Variants in KCNQ1 observed in about 807,000 individuals in gnomAD.
The protein encoded by KCNQ1 is potassium voltage-gated channel subfamily KQT member 1.
KCNQ1 carries 49 observed loss-of-function variants against 72.4 expected under a neutral mutation model. That is an observed-to-expected ratio of 0.68 (90% CI 0.54 to 0.86). KCNQ1 has a LOEUF of 0.86. KCNQ1 is among the 40% of genes least tolerant of loss of function. The pLI, the probability that KCNQ1 is intolerant of heterozygous loss-of-function variation, is 0.00. For missense variants in KCNQ1, 790 were observed against 945.1 expected (o/e 0.84, Z 2.15); for synonymous variants, 450 against 412.6 (o/e 1.09, Z -1.10).
In KCNQ1 at chr11:2,624,083, T is replaced by C. The variant is rs1849222820; in HGVS notation, c.1393+35229T>C. The stretch of plus-strand genomic sequence containing the variant: ...CCCACATATTGGCAAGTATTTGGTA[T>C]TGTCAGTGTTTTGAATTTTGGCCAT... On this transcript the variant is annotated intron_variant, in intron 10 of 15. Coordinates refer to ENST00000155840, the MANE Select transcript of KCNQ1 (RefSeq NM_000218.3). The surrounding 1 kb of genome is among the most constrained non-coding windows in gnomAD (Gnocchi z 4.9). 1 of 398,572 alleles carries C rather than the reference T, an allele frequency of 2.5e-6. No homozygotes were observed. The highest frequency in any genetic ancestry group is 4.4e-5 in the Admixed American group (1 of 22,710). The allele number at this position is 398,572 out of a possible 1,614,324, so 24.7% of individuals were successfully genotyped here.
In KCNQ1 at chr11:2,473,752, C is replaced by T. The variant is rs899882911; in HGVS notation, c.386+28268C>T. Among the ~76,000 whole-genome samples the T allele has an allele frequency of 1.3e-5, 2 of 152,216 alleles. No homozygotes were observed. Among genetic ancestry groups the T allele is most frequent in the East Asian group, 1.9e-4 (1 of 5,186 alleles). ...AGATGGCAGCCTGCAGGTTGAAGCC[C>T]CCGACAGCTGGGGGAGGCATTGCTC... On this transcript the variant is annotated intron_variant, in intron 1 of 15. Coordinates refer to ENST00000155840, the MANE Select transcript of KCNQ1 (RefSeq NM_000218.3). The surrounding 1 kb of genome is among the most constrained non-coding windows in gnomAD (Gnocchi z 6.0).
intron 15 of KCNQ1, among the ~76,000 whole-genome samples, chr11:2,834,239 G>A (rs1296286382): frequency 6.6e-6 from 1 of 152,150 alleles, no homozygotes; most frequent in South Asian, 2.1e-4. Flanking sequence ...GGCAAGGTGC[G>A]TGACATGGTG....
In KCNQ1 at chr11:2,668,759, C is replaced by T. The variant is rs919147433; in HGVS notation, c.1514+6678C>T. 5.0e-6 allele frequency: 2 copies of T among 398,492 alleles called. No individual in the cohort carries two copies. The highest frequency in any genetic ancestry group is 4.1e-5 in the African/African-American group (2 of 48,602). The allele number at this position is 398,492 out of a possible 1,614,324, so 24.7% of individuals were successfully genotyped here. ...CTCCCCCTCTGCAGGCTGCCTTCTTCCTCTCTTGATGGTGTCTTTTGATGA... is the reference window on the plus strand; with the variant it reads ...CTCCCCCTCTGCAGGCTGCCTTCTTTCTCTCTTGATGGTGTCTTTTGATGA... On this transcript the variant is annotated intron_variant, in intron 11 of 15. Coordinates refer to ENST00000155840, the MANE Select transcript of KCNQ1 (RefSeq NM_000218.3). The surrounding 1 kb of genome is among the most constrained non-coding windows in gnomAD (Gnocchi z 4.3).
chr11:2,669,939 A>G lies in KCNQ1; in HGVS notation c.1514+7858A>G, dbSNP rs759180045. The G allele has an allele frequency of 1.5e-5, 6 of 398,542 alleles. No homozygotes were observed. Among genetic ancestry groups the G allele is most frequent in the Non-Finnish European group, 2.7e-5 (6 of 226,130 alleles). 24.7% of individuals were successfully genotyped at this position (398,542 alleles called of 1,614,324 possible). Reference sequence around the variant, plus strand: ...CCAAGCTCCAGGACAGTCTGGAGTCAGGTGGAGGGAAGGGAAGTCTAGAGG... The same window carrying G: ...CCAAGCTCCAGGACAGTCTGGAGTCGGGTGGAGGGAAGGGAAGTCTAGAGG... On this transcript the variant is annotated intron_variant, in intron 11 of 15. Coordinates refer to ENST00000155840, the MANE Select transcript of KCNQ1 (RefSeq NM_000218.3). The surrounding 1 kb of genome is among the most constrained non-coding windows in gnomAD (Gnocchi z 5.6).
In KCNQ1 at chr11:2,768,641, T is replaced by C. The variant is rs529859320; in HGVS notation, c.1515-203T>C. On this transcript the variant is annotated intron_variant, in intron 11 of 15. Transcript: ENST00000155840. This position sits in a 1 kb window ranked among gnomAD's most constrained non-coding sequence, Gnocchi z 6.7. ...CCACTCACAGATGAGGTGAAACATT[T>C]CACCTTGAAAAGCCTCTTGCCCCCA... Among the ~76,000 whole-genome samples, 13 of 152,232 alleles carry C rather than the reference T, an allele frequency of 8.5e-5. No homozygotes were observed. The highest frequency in any genetic ancestry group is 1.6e-4 in the Non-Finnish European group (11 of 68,010).
chr11:2,843,926 G>A (rs1313087917), intron 15 of KCNQ1, among the ~76,000 whole-genome samples: 1 of 152,164 alleles, frequency 6.6e-6, no homozygotes, highest in Non-Finnish European at 1.5e-5. Context: ...AATAATGGTG[G>A]AGGCTGAGAT....
Position 2,634,250 on chromosome 11 carries a change from A to G in KCNQ1, c.1394-27711A>G, listed in dbSNP as rs1286205811. The G allele has an allele frequency of 1.6e-5, 6 of 385,618 alleles. No homozygotes were observed. The Admixed American group carries it at 2.7e-4, about 17-fold the overall frequency. The allele number at this position is 385,618 out of a possible 1,614,324, so 23.9% of individuals were successfully genotyped here. ...TTTGTTACATATGTATACATGTGCC[A>G]TGTTGGTGTGCTGCACTGATTACCT... On this transcript the variant is annotated intron_variant, in intron 10 of 15. Coordinates refer to ENST00000155840, the MANE Select transcript of KCNQ1 (RefSeq NM_000218.3).
rs1848928396 is a variant in KCNQ1, at chr11:2,608,916, CCTT to C, written c.1393+20066_1393+20068del. ...TCCTCCTCCCCCTCTTTCTTCCTCC[CCTT>C]CTTTTCTTCTCCCTCTCCCTCTCTC... On this transcript the variant is annotated intron_variant, in intron 10 of 15. Coordinates refer to ENST00000155840, the MANE Select transcript of KCNQ1 (RefSeq NM_000218.3). This position sits in a 1 kb window ranked among gnomAD's most constrained non-coding sequence, Gnocchi z 4.6. 1.0e-5 allele frequency: 4 copies of C among 398,354 alleles called. No homozygotes were observed. Among genetic ancestry groups the C allele is most frequent in the Middle Eastern group, 6.2e-4 (1 of 1,612 alleles). The allele number at this position is 398,354 out of a possible 1,614,324, so 24.7% of individuals were successfully genotyped here. A position where few individuals can be genotyped will look rare whatever the true frequency, so the allele number is the denominator to read the frequency against.
chr11:2,627,363 G>A lies in KCNQ1; in HGVS notation c.1394-34598G>A, dbSNP rs914519456. Reference sequence around the variant, plus strand: ...ACTCTCTTAGCAAATTCCAAGTATAGAATATATTAACTATAGTCACCAATC... The same window carrying A: ...ACTCTCTTAGCAAATTCCAAGTATAAAATATATTAACTATAGTCACCAATC... On this transcript the variant is annotated intron_variant, in intron 10 of 15. Coordinates refer to ENST00000155840, the MANE Select transcript of KCNQ1 (RefSeq NM_000218.3). The surrounding 1 kb of genome is among the most constrained non-coding windows in gnomAD (Gnocchi z 4.9). The A allele has an allele frequency of 1.1e-4, 43 of 398,300 alleles. No homozygotes were observed. Among genetic ancestry groups the A allele is most frequent in the Non-Finnish European group, 1.8e-4 (41 of 226,024 alleles). The allele number at this position is 398,300 out of a possible 1,614,324, so 24.7% of individuals were successfully genotyped here.
At chr11:2,845,809 T>C (rs1848314318) in intron 15 of KCNQ1, among the ~76,000 whole-genome samples, 1 of 152,118 alleles carries the variant, frequency 6.6e-6, no homozygotes, top group Admixed American at 6.5e-5. Context: ...GCTGCCCACC[T>C]AGCCCTCTAG....
Position 2,671,696 on chromosome 11 carries a change from G to A in KCNQ1, c.1514+9615G>A, listed in dbSNP as rs1850186451. On this transcript the variant is annotated intron_variant, in intron 11 of 15. Coordinates refer to ENST00000155840, the MANE Select transcript of KCNQ1 (RefSeq NM_000218.3). This position sits in a 1 kb window ranked among gnomAD's most constrained non-coding sequence, Gnocchi z 4.7. ...GGGGTGACTTTGCAAGGCAATAGAG[G>A]GTACTTGGGAAGTAGGGTGGTAGGC... 4 of 398,654 alleles carry A rather than the reference G, an allele frequency of 1.0e-5. No homozygotes were observed. The highest frequency in any genetic ancestry group is 1.3e-5 in the Non-Finnish European group (3 of 226,180). 24.7% of individuals were successfully genotyped at this position (398,654 alleles called of 1,614,324 possible).
chr11:2,450,995 G>A lies in KCNQ1; in HGVS notation c.386+5511G>A, dbSNP rs924226895. ...GGACCCAGGTGTCTTCCCACTTCTCGACCATCTCCTGGGAAGTTCTAATGT... is the reference window on the plus strand; with the variant it reads ...GGACCCAGGTGTCTTCCCACTTCTCAACCATCTCCTGGGAAGTTCTAATGT... On this transcript the variant is annotated intron_variant, in intron 1 of 15. Coordinates refer to ENST00000155840, the MANE Select transcript of KCNQ1 (RefSeq NM_000218.3). This position sits in a 1 kb window ranked among gnomAD's most constrained non-coding sequence, Gnocchi z 7.9. Among the ~76,000 whole-genome samples the A allele has an allele frequency of 3.9e-5, 6 of 152,126 alleles. No homozygotes were observed. The highest frequency in any genetic ancestry group is 1.3e-4 in the Admixed American group (2 of 15,276).
At position 2,807,565 on chromosome 11, in the gene KCNQ1, G is replaced by A. The variant is rs578203146; in HGVS notation, c.1794+29528G>A. Among the ~76,000 whole-genome samples, 284 of 152,238 alleles carry A rather than the reference G, an allele frequency of 1.9e-3. 4 individuals are homozygous for A. Among genetic ancestry groups the A allele is most frequent in the African/African-American group, 6.4e-3 (267 of 41,544 alleles). On this transcript the variant is annotated intron_variant, in intron 15 of 15. Transcript: ENST00000155840. The stretch of plus-strand genomic sequence containing the variant: ...TCCCTCCTCGGAACACTCCCGGGCC[G>A]GGCCCTCCTCGGGCCCAGCCTACCA...
Position 2,664,475 on chromosome 11 carries a change from C to G in KCNQ1, c.1514+2394C>G. Reference sequence around the variant, plus strand: ...ATACAGGCTGGGTAGAGGCCCCACTCCATCTGGGGGAGAAGGCTGGCAGCA... The same window carrying G: ...ATACAGGCTGGGTAGAGGCCCCACTGCATCTGGGGGAGAAGGCTGGCAGCA... On this transcript the variant is annotated intron_variant, in intron 11 of 15. Transcript: ENST00000155840. The surrounding 1 kb of genome is among the most constrained non-coding windows in gnomAD (Gnocchi z 5.1). The G allele has an allele frequency of 2.5e-6, 1 of 398,754 alleles. No homozygotes were observed. The highest frequency in any genetic ancestry group is 4.4e-5 in the Admixed American group (1 of 22,736). The allele number at this position is 398,754 out of a possible 1,614,324, so 24.7% of individuals were successfully genotyped here.
chr11:2,513,407 T>C (rs901704835), intron 1 of KCNQ1, among the ~76,000 whole-genome samples: 61 of 152,146 alleles, frequency 4.0e-4, no homozygotes, highest in Non-Finnish European at 1.0e-4. Context: ...GGGGAGTGTC[T>C]GGGATGGGAT....
intron 10 of KCNQ1, chr11:2,648,729 A>G (rs1025107161): frequency 1.5e-5 from 6 of 398,392 alleles, no homozygotes; most frequent in South Asian, 2.5e-4. Flanking sequence ...TGTGCTAACG[A>G]AGCAGCAGTT....
intron 11 of KCNQ1, among the ~76,000 whole-genome samples, chr11:2,749,415 G>T (rs1846188334): frequency 6.6e-6 from 1 of 152,154 alleles, no homozygotes; most frequent in Admixed American, 6.5e-5. Flanking sequence ...GCTCTGCCTG[G>T]TGCCAACTGT....
intron 1 of KCNQ1, among the ~76,000 whole-genome samples, chr11:2,514,137 C>T (rs895128619): frequency 3.9e-5 from 6 of 152,248 alleles, no homozygotes; most frequent in African/African-American, 1.4e-4. Context: ...GAGATGCCCC[C>T]CTCCCCTGCC....
chr11:2,811,386 G>A (rs529901809), intron 15 of KCNQ1, among the ~76,000 whole-genome samples: 24 of 152,350 alleles, frequency 1.6e-4, no homozygotes, highest in East Asian at 1.4e-3. Context: ...GCAGCAGAAC[G>A]TTCTCCTGAG....
Sources: allele counts gnomAD v4.1 joint callset (sites outside exome capture counted in the v4.1 genomes callset), GRCh38; gene constraint gnomAD v4.1.1; non-coding constraint Gnocchi (gnomAD v3.1); transcripts MANE v1.5; gene names NCBI Gene and HGNC (gene_info 2026-07-23, HGNC 2026-07-21).